The following MAP3K1 variants were observed in gnomAD, a reference collection of about 807,000 sequenced individuals.
MAP3K1 encodes the protein mitogen-activated protein kinase kinase kinase 1.
A neutral mutation model predicts 144.2 loss-of-function variants in MAP3K1; 36 were observed. The observed-to-expected ratio is 0.25, with a 90% CI of 0.19 to 0.33. MAP3K1 has a LOEUF of 0.33. Ranked by LOEUF, MAP3K1 falls within the 10% of genes least tolerant of loss-of-function variation. The pLI is 1.00. For synonymous variants in MAP3K1, 718 were observed against 688.7 expected (o/e 1.04, Z -0.67); for missense variants, 1,650 against 1,881.9 (o/e 0.88, Z 2.28).
At chr5:56,831,048 C>T (rs1229453468) in intron 1 of MAP3K1, among the ~76,000 whole-genome samples, 1 of 151,892 alleles carries the variant, frequency 6.6e-6, no homozygotes, top group Admixed American at 6.6e-5. Context: ...TTCCCATATG[C>T]TTAAGTAGTC....
intron 1 of MAP3K1, 144 bp from the exon 2 acceptor site, chr5:56,856,456 T>G: frequency 1.4e-6 from 1 of 695,100 alleles, no homozygotes; most frequent in South Asian, 1.8e-5. Context: ...TTTCAAGCTT[T>G]AAGTCATTTG....
chr5:56,824,887 A>G (rs973606908), intron 1 of MAP3K1, among the ~76,000 whole-genome samples: 3 of 152,176 alleles, frequency 2.0e-5, no homozygotes, highest in Non-Finnish European at 2.9e-5. Flanking sequence ...TTTAAAATGC[A>G]TAATAATCAC....
At chr5:56,892,977 A>T (rs961384025) in intron 19 of MAP3K1, among the ~76,000 whole-genome samples, 3 of 143,114 alleles carry the variant, frequency 2.1e-5, no homozygotes, top group African/African-American at 5.6e-5. Context: ...CTTTTTTTTT[A>T]AAAAAAAAGT....
intron 1 of MAP3K1, among the ~76,000 whole-genome samples, chr5:56,837,148 C>T (rs758769084): frequency 1.3e-5 from 2 of 151,748 alleles, no homozygotes; most frequent in African/African-American, 4.8e-5. Flanking sequence ...AGCTAGTTCC[C>T]TTTCTTCCTC....
At position 56,872,947 on chromosome 5, in the gene MAP3K1, A is replaced by T; in HGVS notation, c.1628A>T (p.His543Leu). 1 of 1,614,098 alleles carries T rather than the reference A, an allele frequency of 6.2e-7. No individual in the cohort carries two copies. Among genetic ancestry groups the T allele is most frequent in the Non-Finnish European group, 8.5e-7 (1 of 1,179,956 alleles). The change falls in exon 9 of 20, where the codon CAT (histidine) becomes CTT (leucine). Residue 543 changes from histidine to leucine, a missense_variant. His to Leu is a moderately conservative substitution (Grantham distance 99, BLOSUM62 -3). Transcript: ENST00000399503. ...RNQESNFNLT[H>L]YGTQQIPPAY... is the part of the protein sequence containing the mutation. ...CAAGAGAGCAATTTTAACCTTACTC[A>T]TTATGGAACTCAGCAAATCCCTCCT...
intron 1 of MAP3K1, among the ~76,000 whole-genome samples, chr5:56,849,075 A>G (rs1747085395): frequency 6.6e-6 from 1 of 152,176 alleles, no homozygotes; most frequent in Admixed American, 6.5e-5. Context: ...AACCGGGTGC[A>G]GTGGCTCATG....
intron 1 of MAP3K1, among the ~76,000 whole-genome samples, chr5:56,822,439 G>A (rs1021701316): frequency 6.6e-6 from 1 of 152,268 alleles, no homozygotes; most frequent in South Asian, 2.1e-4. Context: ...AAAATAATTG[G>A]AGCCATGCTC....
chr5:56,819,645 G>C (rs1051108823), intron 1 of MAP3K1, among the ~76,000 whole-genome samples: 2 of 152,122 alleles, frequency 1.3e-5, no homozygotes, highest in Non-Finnish European at 2.9e-5. Flanking sequence ...ATCTTCTTGG[G>C]TTGAGGGCTG....
At chr5:56,866,436 T>C (rs1747675419) in intron 6 of MAP3K1, among the ~76,000 whole-genome samples, 1 of 148,830 alleles carries the variant, frequency 6.7e-6, no homozygotes, top group African/African-American at 2.4e-5. Context: ...TATGTATGTC[T>C]GTATGTATGT....
chr5:56,830,346 A>T (rs1023156772), intron 1 of MAP3K1, among the ~76,000 whole-genome samples: 3 of 151,932 alleles, frequency 2.0e-5, no homozygotes, highest in African/African-American at 4.8e-5. Flanking sequence ...CCAAAATGAA[A>T]TTTTTTTTCC....
chr5:56,825,040 T>C (rs1746270734), intron 1 of MAP3K1, among the ~76,000 whole-genome samples: 1 of 152,104 alleles, frequency 6.6e-6, no homozygotes, highest in Non-Finnish European at 1.5e-5. Context: ...GGAGTTTCGC[T>C]CTTGTTGCCC....
In MAP3K1 at chr5:56,885,860, T is replaced by C. The variant is rs1748362528; in HGVS notation, c.3983-72T>C. 3.0e-5 allele frequency: 43 copies of C among 1,414,630 alleles called. No individual in the cohort carries two copies. The South Asian group carries it at 3.9e-4, about 13-fold the overall frequency. The allele number at this position is 1,414,630 out of a possible 1,614,324, so 87.6% of individuals were successfully genotyped here. The stretch of plus-strand genomic sequence containing the variant: ...ATGTGAGTTCATGCAGTGAAAACTT[T>C]AGAAACCAAAGTGTAATAAATACTT... On this transcript the variant is annotated intron_variant, in intron 16 of 19. Coordinates refer to ENST00000399503, the MANE Select transcript of MAP3K1 (RefSeq NM_005921.2).
chr5:56,815,882 C>T lies in MAP3K1; in HGVS notation c.309C>T (p.Thr103=), dbSNP rs1245283895. 1 of 1,372,468 alleles carries T rather than the reference C, an allele frequency of 7.3e-7. No individual in the cohort carries two copies. The highest frequency in any genetic ancestry group is 1.5e-5 in the African/African-American group (1 of 66,816). 85.0% of individuals were successfully genotyped at this position (1,372,468 alleles called of 1,614,324 possible). A position where few individuals can be genotyped will look rare whatever the true frequency, so the allele number is the denominator to read the frequency against. Residue 103 remains threonine, a synonymous_variant, in exon 1 of 20, where the codon ACC becomes ACT. Coordinates refer to ENST00000399503, the MANE Select transcript of MAP3K1 (RefSeq NM_005921.2). Reference sequence around the variant, plus strand: ...CCGCGGACGCAGCGGGGAGTGGGACCGGCTTCCAGCCTGTGGCGGTGCCGC... The same window carrying T: ...CCGCGGACGCAGCGGGGAGTGGGACTGGCTTCCAGCCTGTGGCGGTGCCGC... ...PEPADAAGSG[T]GFQPVAVPPP... is the part of the protein sequence containing the mutation.
chr5:56,884,216 G>T (rs1748309693), intron 15 of MAP3K1, among the ~76,000 whole-genome samples: 2 of 152,082 alleles, frequency 1.3e-5, no homozygotes, highest in Admixed American at 6.5e-5. Context: ...CCTTACAAAG[G>T]TTTTTTTGGT....
intron 10 of MAP3K1, 89 bp from the exon 11 acceptor site, chr5:56,878,891 A>C: frequency 8.6e-7 from 1 of 1,160,798 alleles, no homozygotes. Context: ...CTGTCTACTT[A>C]TTTTGTTGCT....
chr5:56,836,260 G>C (rs929018473), intron 1 of MAP3K1, among the ~76,000 whole-genome samples: 1 of 151,990 alleles, frequency 6.6e-6, no homozygotes. Flanking sequence ...CCTAATTGTC[G>C]CTTTTAAATA....
Position 56,879,061 on chromosome 5 carries a change from G to A in MAP3K1, c.2047G>A (p.Val683Ile), listed in dbSNP as rs2111932532. The change falls in exon 11 of 20, where the codon GTT (valine) becomes ATT (isoleucine). Residue 683 changes from valine (V) to isoleucine (I), a missense_variant. By Grantham distance (29) the Val-to-Ile change is conservative (BLOSUM62 3). Around this residue, in one of 6 missense-constraint regions of MAP3K1, gnomAD observed 841 missense variants for 886.5 expected, o/e 0.95. Transcript: ENST00000399503. ...RIKLQRLLQP[V>I]VDTILVKCAD... ...CAAACTTCAGAGACTTCTCCAGCCA[G>A]TTGTAGACACCATCCTAGTCAAATG... is the stretch of plus-strand genomic sequence containing the variant. 6.2e-7 allele frequency: 1 copy of A among 1,613,938 alleles called. No individual in the cohort carries two copies. Among genetic ancestry groups the A allele is most frequent in the Non-Finnish European group, 8.5e-7 (1 of 1,179,852 alleles).
chr5:56,882,883 T>G lies in MAP3K1; in HGVS notation c.3666+17T>G. 6.3e-7 allele frequency: 1 copy of G among 1,595,744 alleles called. No homozygotes were observed. The highest frequency in any genetic ancestry group is 8.5e-7 in the Non-Finnish European group (1 of 1,172,404). ...CAACAGGATGTAAGTATAGATTCTT[T>G]AAGAGGTTAGAAAACTTCCTTGGGG... On this transcript the variant is annotated intron_variant, in intron 14 of 19. Transcript: ENST00000399503.
chr5:56,865,424 A>T lies in MAP3K1; in HGVS notation c.1120A>T (p.Met374Leu), dbSNP rs758904729. 16 of 1,606,466 alleles carry T rather than the reference A, an allele frequency of 1.0e-5. No homozygotes were observed. The highest frequency in any genetic ancestry group is 2.7e-5 in the African/African-American group (2 of 74,766). ...RVFQLEPSDPMLWRKTLKNFE... is the reference protein window; with the variant it reads ...RVFQLEPSDPLLWRKTLKNFE... ...GTTTCAACTAGAACCTTCAGACCCAATGTTATGGAGAAAAACTTTAAAGAA... is the reference window on the plus strand; with the variant it reads ...GTTTCAACTAGAACCTTCAGACCCATTGTTATGGAGAAAAACTTTAAAGAA... Residue 374 changes from methionine to leucine, a missense_variant, in exon 5 of 20, where the codon ATG becomes TTG. This residue lies in a region of MAP3K1 where 125 missense variants were observed against 179.9 expected (regional missense o/e 0.69). Coordinates refer to ENST00000399503, the MANE Select transcript of MAP3K1 (RefSeq NM_005921.2).
Sources: gnomAD v4.1 joint callset for allele counts (sites outside exome capture counted in the v4.1 genomes callset) on GRCh38, gnomAD v4.1.1 for gene constraint, gnomAD v4.1.1 regional missense constraint, MANE v1.5 for transcripts, NCBI Gene and HGNC (gene_info 2026-07-23, HGNC 2026-07-21) for gene names.